Variants in ZEB1 observed in about 807,000 individuals in gnomAD.
The protein encoded by ZEB1 is zinc finger E-box binding homeobox 1.
A neutral mutation model predicts 84.9 loss-of-function variants in ZEB1; 21 were observed. That is an observed-to-expected ratio of 0.25 (90% confidence interval 0.18 to 0.36). The LOEUF (loss-of-function observed/expected upper bound fraction) is 0.36. Ranked by LOEUF, ZEB1 falls within the 10% of genes least tolerant of loss-of-function variation. The pLI is 1.00. For synonymous variants in ZEB1, 420 were observed against 471.1 expected, an observed-to-expected ratio of 0.89 and a Z score of 1.41; for missense variants, 1,104 against 1,330.2, an observed-to-expected ratio of 0.83 and a Z score of 2.65.
At position 31,331,113 on chromosome 10, in the gene ZEB1, G is replaced by A. The variant is rs561772902; in HGVS notation, c.58+11821G>A. Reference sequence around the variant, plus strand: ...TTTTTTTTTTTTTTTTTTTTGAGACGGAGTCTTGCTGTGTTGCCCAGGCTG... The same window carrying A: ...TTTTTTTTTTTTTTTTTTTTGAGACAGAGTCTTGCTGTGTTGCCCAGGCTG... On this transcript the variant is annotated intron_variant, in intron 1 of 8. Coordinates refer to ENST00000424869, the MANE Select transcript of ZEB1 (RefSeq NM_001174096.2). Among the ~76,000 whole-genome samples the A allele has an allele frequency of 1.7e-3, 168 of 100,432 alleles. No homozygotes were observed. In the Middle Eastern group the frequency reaches 0.036, roughly 22 times the overall value. The allele number at this position is 100,432 out of a possible 152,430, so 65.9% of individuals were successfully genotyped here. A position where few individuals can be genotyped will look rare whatever the true frequency, so the allele number is the denominator to read the frequency against.
chr10:31,521,186 A>C lies in ZEB1; in HGVS notation c.1854A>C (p.Ser618=), dbSNP rs769231354. ...SAEELSKIAD[S]VNLPLDVVKK... ...AAGAGCTCTCAAAAATTGCTGATTC[A>C]GTAAACCTACCACTGGATGTAGTAA... Residue 618 remains serine, a synonymous_variant, in exon 7 of 9, where the codon TCA becomes TCC. Transcript: ENST00000424869. 4.3e-6 allele frequency: 7 copies of C among 1,614,000 alleles called. No individual in the cohort carries two copies. The Admixed American group carries it at 1.2e-4, about 27-fold the overall frequency.
At chr10:31,356,012 A>G (rs990108322) in intron 1 of ZEB1, among the ~76,000 whole-genome samples, 1 of 152,158 alleles carries the variant, frequency 6.6e-6, no homozygotes, top group Middle Eastern at 3.2e-3. Context: ...AGAAGGGAAT[A>G]GATTTGAAAT....
At chr10:31,319,369 G>A in intron 1 of ZEB1, 77 bp downstream of exon 1, 6 of 1,466,858 alleles carry the variant, frequency 4.1e-6, no homozygotes, top group Non-Finnish European at 5.6e-6. Flanking sequence ...GGGTGAGGGG[G>A]GCGAGCCGGG....
At chr10:31,339,684 C>T (rs968517028) in intron 1 of ZEB1, among the ~76,000 whole-genome samples, 12 of 151,574 alleles carry the variant, frequency 7.9e-5, no homozygotes, top group Non-Finnish European at 1.5e-4. Flanking sequence ...ACAGGAGAAT[C>T]GCTTGAACCG....
intron 1 of ZEB1, among the ~76,000 whole-genome samples, chr10:31,386,579 A>G (rs1422095447): frequency 6.6e-6 from 1 of 152,116 alleles, no homozygotes; most frequent in Admixed American, 6.6e-5. Context: ...CAAAACCAAA[A>G]TTCCTTTCCT....
Position 31,514,616 on chromosome 10 carries a change from A to G in ZEB1, c.701A>G (p.Gln234Arg), listed in dbSNP as rs774988589. The G allele has an allele frequency of 6.2e-7, 1 of 1,612,596 alleles. No individual in the cohort carries two copies. Among genetic ancestry groups the G allele is most frequent in the Non-Finnish European group, 8.5e-7 (1 of 1,178,944 alleles). Residue 234 changes from glutamine (Q) to arginine (R), a missense_variant, in exon 6 of 9, where the codon CAG (glutamine) becomes CGG (arginine). Transcript: ENST00000424869. The part of the protein sequence containing the change: ...KSGRDQRHVT[Q>R]SGCNRKFKCT... ...CTTTTCTTACAGAGACATGTGACGC[A>G]GTCTGGGTGTAATCGTAAATTCAAA...
At chr10:31,361,175 C>G in intron 1 of ZEB1, 1 of 1,611,914 alleles carries the variant, frequency 6.2e-7, no homozygotes, top group Non-Finnish European at 8.5e-7. Flanking sequence ...CCTCCTGTCC[C>G]AAAAGACCAT....
In ZEB1 at chr10:31,319,290, A is replaced by ACGGTGAGTGGCGGAGGGGAC; in HGVS notation, c.58+2_58+21dup. The ACGGTGAGTGGCGGAGGGGAC allele has an allele frequency of 6.3e-7, 1 of 1,599,978 alleles. No individual in the cohort carries two copies. The highest frequency in any genetic ancestry group is 8.5e-7 in the Non-Finnish European group (1 of 1,173,272). ...AAGCAGGCGAACCCGCGGCGCAATA[A>ACGGTGAGTGGCGGAGGGGAC]CGGTGAGTGGCGGAGGGGACCGGGG... On this transcript the variant is annotated frameshift_variant and splice_region_variant, in exon 1 of 9. Transcript: ENST00000424869. LOFTEE classifies it high-confidence loss of function.
At chr10:31,408,098 C>T (rs1271901935) in intron 1 of ZEB1, among the ~76,000 whole-genome samples, 13 of 150,416 alleles carry the variant, frequency 8.6e-5, no homozygotes, top group East Asian at 5.9e-4. Flanking sequence ...TATATGCCAA[C>T]AACAGACAAA....
chr10:31,454,483 CTGTT>C (rs2060964207), intron 1 of ZEB1, among the ~76,000 whole-genome samples: 1 of 152,184 alleles, frequency 6.6e-6, no homozygotes, highest in African/African-American at 2.4e-5. Context: ...CAGATTGTCT[CTGTT>C]TGCAGATGAC....
chr10:31,409,675 C>G (rs574626660), intron 1 of ZEB1, among the ~76,000 whole-genome samples: 1 of 152,292 alleles, frequency 6.6e-6, no homozygotes, highest in South Asian at 2.1e-4. Context: ...TTTGTGTCCT[C>G]TCTTATTTCC....
chr10:31,437,287 C>T (rs955870692), intron 1 of ZEB1, among the ~76,000 whole-genome samples: 3 of 151,996 alleles, frequency 2.0e-5, no homozygotes, highest in African/African-American at 2.4e-5. Flanking sequence ...GCAAAGATTA[C>T]GTATATCTCA....
rs1035476387 is a variant in ZEB1, at chr10:31,447,856, C to G, written c.59-13181C>G. On this transcript the variant is annotated intron_variant, in intron 1 of 8. Coordinates refer to ENST00000424869, the MANE Select transcript of ZEB1 (RefSeq NM_001174096.2). ...TGGCTGCCCTTAACATTTCTTCCTT[C>G]ATTTCAACTTTGGTGAATCTGACAA... Among the ~76,000 whole-genome samples the G allele has an allele frequency of 6.8e-4, 103 of 152,320 alleles. 2 individuals carry two copies. The highest frequency in any genetic ancestry group is 2.4e-3 in the African/African-American group (100 of 41,552).
Position 31,479,228 on chromosome 10 carries a change from T to C in ZEB1, c.260-16548T>C, listed in dbSNP as rs577762461. On this transcript the variant is annotated intron_variant, in intron 2 of 8. Coordinates refer to ENST00000424869, the MANE Select transcript of ZEB1 (RefSeq NM_001174096.2). The stretch of plus-strand genomic sequence containing the variant: ...AGATATAACAGACCAAGGAAGGAGA[T>C]TGAAGCTGTAATCAAAAATCTCCCA... 1.4e-4 allele frequency among the ~76,000 whole-genome samples: 21 copies of C among 151,902 alleles called. No individual in the cohort carries two copies. In the South Asian group the frequency reaches 4.4e-3, roughly 32 times the overall value.
At chr10:31,416,612 T>G (rs2055257242) in intron 1 of ZEB1, among the ~76,000 whole-genome samples, 1 of 152,124 alleles carries the variant, frequency 6.6e-6, no homozygotes, top group Non-Finnish European at 1.5e-5. Context: ...AAGCAAAATT[T>G]AAAATATGCC....
intron 1 of ZEB1, among the ~76,000 whole-genome samples, chr10:31,439,418 G>A (rs1591272325): frequency 6.6e-6 from 1 of 152,174 alleles, no homozygotes. Flanking sequence ...ATATAAGAGT[G>A]TACTCTTTTA....
chr10:31,454,799 T>G (rs189567646), intron 1 of ZEB1, among the ~76,000 whole-genome samples: 1 of 152,284 alleles, frequency 6.6e-6, no homozygotes, highest in African/African-American at 2.4e-5. Flanking sequence ...TGCTCATGGA[T>G]AAGAAGAATC....
chr10:31,331,508 C>T (rs534960703), intron 1 of ZEB1, among the ~76,000 whole-genome samples: 134 of 152,110 alleles, frequency 8.8e-4, no homozygotes, highest in Non-Finnish European at 1.2e-3. Context: ...TTATTGTATG[C>T]AAGGTAATGA....
chr10:31,337,682 T>TG (rs1271030126), intron 1 of ZEB1, among the ~76,000 whole-genome samples: 2 of 139,502 alleles, frequency 1.4e-5, no homozygotes, highest in African/African-American at 6.1e-5. Flanking sequence ...AATTTCTTTC[T>TG]GTTTTTTTTT....
Sources: allele counts gnomAD v4.1 joint callset (sites outside exome capture counted in the v4.1 genomes callset), GRCh38; gene constraint gnomAD v4.1.1; transcripts MANE v1.5; gene names NCBI Gene and HGNC (gene_info 2026-07-23, HGNC 2026-07-21).